Variants in OR51B5 observed in about 807,000 individuals in gnomAD.
OR51B5 encodes the protein olfactory receptor family 51 subfamily B member 5.
For missense variants in OR51B5, 456 were observed against 374.6 expected (o/e 1.22, Z -1.79); for synonymous variants, 186 against 144.8 (o/e 1.28, Z -2.04).
intron 1 of OR51B5, among the ~76,000 whole-genome samples, chr11:5,400,263 GTATTTAGTC>G (rs766976255): frequency 8.4e-4 from 128 of 152,200 alleles, no homozygotes; most frequent in Admixed American, 2.0e-3. Context: ...CAAGGATCTT[GTATTTAGTC>G]TATTTAGTCA....
At chr11:5,351,401 C>A in intron 1 of OR51B5, 1 of 768,388 alleles carries the variant, frequency 1.3e-6, no homozygotes, top group Non-Finnish European at 2.1e-6. Context: ...AAAGTCAGGA[C>A]TGGTGAACAT....
chr11:5,489,809 G>T (rs532607677), intron 1 of OR51B5: 32 of 655,886 alleles, frequency 4.9e-5, no homozygotes, highest in Non-Finnish European at 8.4e-5. Context: ...ATGAATCAGA[G>T]CTATCAATTA....
intron 1 of OR51B5, among the ~76,000 whole-genome samples, chr11:5,475,373 T>G (rs1225920452): frequency 6.6e-6 from 1 of 152,202 alleles, no homozygotes; most frequent in Non-Finnish European, 1.5e-5. Context: ...CTCCTTTCAG[T>G]TCCTCGAAGA....
rs1407581085 is a variant in OR51B5 at position 5,452,362 on chromosome 11, C to G, written n.84+53207G>C. 2.6e-5 allele frequency among the ~76,000 whole-genome samples: 4 copies of G among 151,808 alleles called. No individual in the cohort carries two copies. The East Asian group carries it at 5.8e-4, about 22-fold the overall frequency. ...TACTAAAACTACAAAAAAAATTAGC[C>G]GGGCATGGTGGCGGGAGCCTGTAGT... On this transcript the variant is annotated intron_variant and non_coding_transcript_variant, in intron 1 of 4. Coordinates refer to the OR51B5 transcript ENST00000415970.
chr11:5,503,330 GA>G (rs1846324128), intron 1 of OR51B5, among the ~76,000 whole-genome samples: 1 of 151,968 alleles, frequency 6.6e-6, no homozygotes, highest in Admixed American at 6.6e-5. Flanking sequence ...AAAATATAAT[GA>G]AAAAAACTGT....
At chr11:5,501,666 T>C (rs1846292664) in intron 1 of OR51B5, among the ~76,000 whole-genome samples, 1 of 148,316 alleles carries the variant, frequency 6.7e-6, no homozygotes. Context: ...CTTTTAATTA[T>C]TCAGATCACG....
At chr11:5,362,720 T>C in intron 1 of OR51B5, 1 of 228,288 alleles carries the variant, frequency 4.4e-6, no homozygotes, top group Non-Finnish European at 9.2e-6. Context: ...CACCACCTGG[T>C]TCTTTGTTTA....
intron 1 of OR51B5, chr11:5,390,315 T>C: frequency 6.2e-7 from 1 of 1,613,634 alleles, no homozygotes; most frequent in Non-Finnish European, 8.5e-7. Context: ...ATATACAGCA[T>C]TAAGACCAAG....
chr11:5,378,807 A>G (rs1462577714), intron 1 of OR51B5, among the ~76,000 whole-genome samples: 1 of 151,216 alleles, frequency 6.6e-6, no homozygotes, highest in Non-Finnish European at 1.5e-5. Context: ...AAAAGTCAGG[A>G]AACAACAGGT....
At chr11:5,505,438 G>C (rs1385023428) in intron 1 of OR51B5, 7 of 1,303,600 alleles carry the variant, frequency 5.4e-6, no homozygotes, top group African/African-American at 1.5e-5. Context: ...CTTTAATCTG[G>C]ACAAAAACTA....
At chr11:5,361,334 G>A (rs1849280794) in intron 1 of OR51B5, among the ~76,000 whole-genome samples, 1 of 152,184 alleles carries the variant, frequency 6.6e-6, no homozygotes, top group African/African-American at 2.4e-5. Flanking sequence ...GAATAAAGAA[G>A]GAGGGAGGAG....
At chr11:5,355,849 T>C (rs1849185784) in intron 1 of OR51B5, among the ~76,000 whole-genome samples, 1 of 152,146 alleles carries the variant, frequency 6.6e-6, no homozygotes, top group South Asian at 2.1e-4. Flanking sequence ...CTGATTCCTG[T>C]AGTGACATAG....
At chr11:5,462,942 A>G (rs1026922173) in intron 1 of OR51B5, among the ~76,000 whole-genome samples, 1 of 152,234 alleles carries the variant, frequency 6.6e-6, no homozygotes, top group Non-Finnish European at 1.5e-5. Flanking sequence ...TCAAAAAACT[A>G]ATCAAGAATC....
chr11:5,343,679 T>C (rs189945825), upstream of OR51B5: 3 of 534,754 alleles, frequency 5.6e-6, no homozygotes, highest in African/African-American at 3.8e-5. Context: ...CAAAATACAT[T>C]CTCAGGGTTA....
At chr11:5,365,261 T>C (rs1849347207) in intron 1 of OR51B5, among the ~76,000 whole-genome samples, 1 of 152,200 alleles carries the variant, frequency 6.6e-6, no homozygotes, top group South Asian at 2.1e-4. Flanking sequence ...CCAGAAGGGC[T>C]GGTGGTGAGA....
chr11:5,371,479 A>G (rs1256160203), intron 1 of OR51B5, among the ~76,000 whole-genome samples: 6 of 152,178 alleles, frequency 3.9e-5, no homozygotes, highest in Non-Finnish European at 8.8e-5. Flanking sequence ...AGCTGTATCT[A>G]AAGAGTACTG....
chr11:5,342,503 C>T (rs181293881), downstream of OR51B5: 490 of 1,477,204 alleles, frequency 3.3e-4, 6 homozygotes, highest in Middle Eastern at 2.9e-3. Flanking sequence ...TATGAGCATG[C>T]ATGCTAGATA....
intron 1 of OR51B5, among the ~76,000 whole-genome samples, chr11:5,420,643 T>G (rs1199888524): frequency 7.7e-6 from 1 of 130,580 alleles, no homozygotes; most frequent in African/African-American, 2.8e-5. Context: ...TGTCTATTGC[T>G]GCTATTTACA....
intron 1 of OR51B5, among the ~76,000 whole-genome samples, chr11:5,411,193 T>C (rs1589980996): frequency 6.6e-6 from 1 of 152,168 alleles, no homozygotes; most frequent in African/African-American, 2.4e-5. Flanking sequence ...ACATGCCCTA[T>C]TCAGGTGTAT....
Sources: allele counts gnomAD v4.1 joint callset (sites outside exome capture counted in the v4.1 genomes callset), GRCh38; gene constraint gnomAD v4.1.1; transcripts MANE v1.5; gene names NCBI Gene and HGNC (gene_info 2026-07-23, HGNC 2026-07-21).